Variants in SNAP91 observed in about 807,000 individuals in gnomAD.
SNAP91 encodes the protein synaptosome associated protein 91.
Under a neutral mutation model 100.3 loss-of-function variants are expected in SNAP91, and 27 were observed. The observed-to-expected ratio is 0.27, with a 90% CI of 0.20 to 0.37. The LOEUF (loss-of-function observed/expected upper bound fraction) is 0.37, where lower values mean the gene tolerates loss of function less well. SNAP91 is among the 10% of genes least tolerant of loss of function. The probability of loss-of-function intolerance (pLI) is 1.00; values close to 1 mark genes in which losing one functional copy is unlikely to be tolerated. For synonymous variants in SNAP91, 404 were observed against 398.6 expected, an observed-to-expected ratio of 1.01 and a Z score of -0.16; for missense variants, 986 against 1,123.7, an observed-to-expected ratio of 0.88 and a Z score of 1.75.
intron 26 of SNAP91, among the ~76,000 whole-genome samples, chr6:83,566,136 T>C (rs1314122860): frequency 6.6e-6 from 1 of 152,166 alleles, no homozygotes; most frequent in Non-Finnish European, 1.5e-5. Flanking sequence ...TGATACATGC[T>C]TCGACATGGA....
At position 83,650,020 on chromosome 6, in the gene SNAP91, AT is replaced by A. The variant is rs566120561; in HGVS notation, c.658+6733del. On this transcript the variant is annotated intron_variant, in intron 7 of 29. Transcript: ENST00000369694. ...GTTGTTCTACTATAATTTGTTGAAG[AT>A]TTTTTTTTTTTACCCCATAGCTGGC... 8.0e-3 allele frequency among the ~76,000 whole-genome samples: 1,175 copies of A among 146,406 alleles called. 6 individuals are homozygous for A. The highest frequency in any genetic ancestry group is 0.025 in the African/African-American group (991 of 40,296).
chr6:83,615,202 C>T (rs1305639745), intron 10 of SNAP91, among the ~76,000 whole-genome samples: 4 of 152,008 alleles, frequency 2.6e-5, no homozygotes, highest in Non-Finnish European at 5.9e-5. Context: ...CCCATTCTAG[C>T]TACCCAAGGA....
chr6:83,705,812 G>GAA (rs535532143), intron 2 of SNAP91, among the ~76,000 whole-genome samples: 1 of 133,594 alleles, frequency 7.5e-6, no homozygotes, highest in Non-Finnish European at 1.6e-5. Context: ...CTCACAAAGA[G>GAA]AAAAAAAAAA....
intron 2 of SNAP91, among the ~76,000 whole-genome samples, chr6:83,693,068 T>G (rs1031748584): frequency 2.0e-4 from 30 of 152,236 alleles, no homozygotes; most frequent in African/African-American, 7.2e-4. Context: ...TTAACTGTTT[T>G]TGTTTTTGCT....
At chr6:83,564,580 G>T (rs555482049) in intron 26 of SNAP91, among the ~76,000 whole-genome samples, 1 of 152,124 alleles carries the variant, frequency 6.6e-6, no homozygotes, top group East Asian at 1.9e-4. Flanking sequence ...GCCCAGGCTA[G>T]TCTCAGACTC....
chr6:83,636,704 T>C (rs2097464591), intron 8 of SNAP91, among the ~76,000 whole-genome samples: 1 of 152,256 alleles, frequency 6.6e-6, no homozygotes, highest in Admixed American at 6.5e-5. Context: ...AGGGAGCTAA[T>C]GCCATCCTTT....
chr6:83,570,560 G>T (rs370570879), intron 26 of SNAP91, among the ~76,000 whole-genome samples: 13 of 138,758 alleles, frequency 9.4e-5, no homozygotes, highest in East Asian at 7.6e-4. Context: ...GGGTGGCGGG[G>T]GGGGAAGTGG....
At chr6:83,590,201 T>C (rs910681) in intron 22 of SNAP91, among the ~76,000 whole-genome samples, 3 of 152,112 alleles carry the variant, frequency 2.0e-5, no homozygotes, top group Non-Finnish European at 4.4e-5. Context: ...CCTGTCTAAG[T>C]AAAATCAGAG....
rs150337565 is a variant in SNAP91, at chr6:83,645,672, C to T, written c.659-4470G>A. 1.4e-3 allele frequency among the ~76,000 whole-genome samples: 207 copies of T among 152,036 alleles called. 3 individuals are homozygous for T. Among genetic ancestry groups the T allele is most frequent in the Admixed American group, 0.012 (188 of 15,266 alleles). On this transcript the variant is annotated intron_variant, in intron 7 of 29. Transcript: ENST00000369694. ...GACCAGCTTGGGCAACATAGCAAGC[C>T]CCTATGTCTACAAAAAAAAAATTCA...
At chr6:83,665,258 G>A (rs1396351164) in intron 3 of SNAP91, among the ~76,000 whole-genome samples, 181 bp downstream of exon 3, 7 of 151,890 alleles carry the variant, frequency 4.6e-5, no homozygotes, top group African/African-American at 7.3e-5. Flanking sequence ...CTAACTTAAA[G>A]TTTATTTTTT....
At position 83,600,083 on chromosome 6, in the gene SNAP91, C is replaced by A. The variant is rs953841173; in HGVS notation, c.1324+1188G>T. Among the ~76,000 whole-genome samples, 7 of 152,216 alleles carry A rather than the reference C, an allele frequency of 4.6e-5. No homozygotes were observed. In the South Asian group the frequency reaches 1.4e-3, roughly 32 times the overall value. ...ACAGATGTGAGCCACTGCGCCAGACCATGGGTGACTCTTTATTCAAGGGTC... is the reference window on the plus strand; with the variant it reads ...ACAGATGTGAGCCACTGCGCCAGACAATGGGTGACTCTTTATTCAAGGGTC... On this transcript the variant is annotated intron_variant, in intron 16 of 29. Transcript: ENST00000369694.
intron 21 of SNAP91, among the ~76,000 whole-genome samples, chr6:83,592,197 G>A (rs796815959): frequency 5.3e-5 from 8 of 152,260 alleles, no homozygotes; most frequent in African/African-American, 1.7e-4. Context: ...ACATTAGGAT[G>A]AAGAACAAAA....
At position 83,582,347 on chromosome 6, in the gene SNAP91, C is replaced by G. The variant is rs1161321765; in HGVS notation, c.2024G>C (p.Gly675Ala). The change falls in exon 23 of 30, where the codon GGT (glycine) becomes GCT (alanine). Residue 675 changes from glycine to alanine, a missense_variant. By Grantham distance (60) the Gly-to-Ala change is moderately conservative. Transcript: ENST00000369694. ...AGATGGGGAAGGCGCCATGAAAGAA[C>G]CCCCAAATCCTGAAAAAAAGTTCCA... The part of the protein sequence containing the change: ...ASADLLAGFG[G>A]SFMAPSPSPV... The G allele has an allele frequency of 6.2e-7, 1 of 1,611,224 alleles. No individual in the cohort carries two copies.
At chr6:83,702,717 A>T (rs2099329234) in intron 2 of SNAP91, among the ~76,000 whole-genome samples, 1 of 152,274 alleles carries the variant, frequency 6.6e-6, no homozygotes, top group Non-Finnish European at 1.5e-5. Flanking sequence ...ACTGAAAAAA[A>T]AAAAATCTAA....
At chr6:83,670,558 GTTTTC>G (rs1269278207) in intron 2 of SNAP91, among the ~76,000 whole-genome samples, 2 of 151,762 alleles carry the variant, frequency 1.3e-5, no homozygotes, top group East Asian at 1.9e-4. Context: ...ATTTATGGAG[GTTTTC>G]TTTTAAGAAA....
intron 2 of SNAP91, among the ~76,000 whole-genome samples, chr6:83,705,825 C>T (rs998793642): frequency 6.6e-6 from 1 of 150,532 alleles, no homozygotes; most frequent in African/African-American, 2.4e-5. Flanking sequence ...AAAAAAAAAG[C>T]CATGAAAGTT....
At chr6:83,611,122 T>A (rs927774309) in intron 11 of SNAP91, among the ~76,000 whole-genome samples, 5 of 152,020 alleles carry the variant, frequency 3.3e-5, no homozygotes, top group Non-Finnish European at 7.4e-5. Context: ...ATCACTTAGG[T>A]TAAAGTACAC....
rs547413854 is a variant in SNAP91, at chr6:83,557,516, A to AT, written c.2632-1272_2632-1271insA. Among the ~76,000 whole-genome samples, 843 of 148,880 alleles carry AT rather than the reference A, an allele frequency of 5.7e-3. 8 individuals carry two copies. Among genetic ancestry groups the AT allele is most frequent in the African/African-American group, 0.019 (773 of 40,604 alleles). On this transcript the variant is annotated intron_variant, in intron 28 of 29. Transcript: ENST00000369694. ...GGCCTCATCTCTACAAAAAATAATA[A>AT]AAAAAAAAATAGCTGGGCACAGTGG...
intron 7 of SNAP91, among the ~76,000 whole-genome samples, chr6:83,645,590 T>A (rs1473261856): frequency 6.6e-6 from 1 of 152,134 alleles, no homozygotes; most frequent in Non-Finnish European, 1.5e-5. Flanking sequence ...CTCATGCTTA[T>A]AATCCCAGTA....
Sources: gnomAD v4.1 joint callset for allele counts (sites outside exome capture counted in the v4.1 genomes callset) on GRCh38, gnomAD v4.1.1 for gene constraint, MANE v1.5 for transcripts, NCBI Gene and HGNC (gene_info 2026-07-23, HGNC 2026-07-21) for gene names.